The following MEI1 variants were observed in gnomAD, a reference collection of about 807,000 sequenced individuals.
The protein encoded by MEI1 is meiosis inhibitor protein 1.
In MEI1, 103 loss-of-function variants were observed where a neutral mutation model predicts 146.2. That is an observed-to-expected ratio of 0.70 (90% CI 0.60 to 0.83). The LOEUF (loss-of-function observed/expected upper bound fraction) is 0.83. Among genes scored for constraint, MEI1 ranks in the 40% least tolerant of loss-of-function variants. The pLI is 0.00. For missense variants in MEI1, 1,529 were observed against 1,533.0 expected (o/e 1.00, Z 0.04); for synonymous variants, 652 against 628.2 (o/e 1.04, Z -0.57).
At chr22:41,767,492 A>G (rs572599014) in intron 19 of MEI1, 17 of 446,304 alleles carry the variant, frequency 3.8e-5, no homozygotes, top group African/African-American at 1.2e-4. Context: ...AGGATCCCCA[A>G]TAGCCAGAGT....
Position 41,758,359 on chromosome 22 carries a change from C to T in MEI1, c.1952-6C>T. 1.9e-6 allele frequency: 3 copies of T among 1,610,948 alleles called. No homozygotes were observed. The highest frequency in any genetic ancestry group is 2.2e-5 in the East Asian group (1 of 44,784). On this transcript the variant is annotated splice_region_variant and splice_polypyrimidine_tract_variant and intron_variant, in intron 17 of 30. Transcript: ENST00000401548. ...TGTGGCTTTCCTCTACTTATTCCCT[C>T]CCTAGAACTCTCTGCAGTGTCTGAG...
chr22:41,732,343 C>G lies in MEI1; in HGVS notation c.1195C>G (p.Arg399Gly). The change falls in exon 10 of 31, where the codon CGG (arginine) becomes GGG (glycine). Residue 399 changes from arginine (R) to glycine (G), a missense_variant and splice_region_variant. Coordinates refer to ENST00000401548, the MANE Select transcript of MEI1 (RefSeq NM_152513.4). Reference protein sequence around the residue: ...GLLLFAEILTRQPEEIKLFTS... With the variant: ...GLLLFAEILTGQPEEIKLFTS... ...GCTGCTTTTCGCTGAAATCCTGACC[C>G]GGTGAGCAAAGTGGTGGAACATGAG... 6.2e-7 allele frequency: 1 copy of G among 1,613,076 alleles called. No individual in the cohort carries two copies. The highest frequency in any genetic ancestry group is 1.7e-4 in the Middle Eastern group (1 of 6,060).
At position 41,724,005 on chromosome 22, in the gene MEI1, C is replaced by G. The variant is rs2071095385; in HGVS notation, c.796C>G (p.Leu266Val). ...GTCCATGATCATGAACCAGGATGGA[C>G]TGGGAGAAAGTGCTAAGAATATCGA... The part of the protein sequence containing the change: ...FVSMIMNQDG[L>V]GESAKNIEGS... The change falls in exon 7 of 31, where the codon CTG (leucine) becomes GTG (valine). Residue 266 changes from leucine to valine, a missense_variant. By Grantham distance (32) the Leu-to-Val change is conservative. Transcript: ENST00000401548. The G allele has an allele frequency of 1.2e-6, 2 of 1,613,408 alleles. No homozygotes were observed. The highest frequency in any genetic ancestry group is 3.3e-5 in the Admixed American group (2 of 59,908).
chr22:41,756,207 TCA>T (rs1308748288), intron 17 of MEI1, among the ~76,000 whole-genome samples: 11 of 152,234 alleles, frequency 7.2e-5, no homozygotes, highest in South Asian at 2.1e-4. Flanking sequence ...TGATGTCAGC[TCA>T]CTGCAACCTC....
chr22:41,732,498 G>A lies in MEI1; in HGVS notation c.1226G>A (p.Ser409Asn). Residue 409 changes from serine (S) to asparagine (N), a missense_variant, in exon 11 of 31, where the codon AGC (serine) becomes AAC (asparagine). Physicochemically the swap from Ser to Asn is conservative, Grantham distance 46. Around this residue, in one of 3 missense-constraint regions of MEI1, gnomAD observed 1,212 missense variants for 1,178.9 expected, o/e 1.03. Coordinates refer to ENST00000401548, the MANE Select transcript of MEI1 (RefSeq NM_152513.4). ...CCAGAGGAGATCAAGCTGTTCACAAGCTCAGCCATGTGCAGAGATGCTGGC... is the reference window on the plus strand; with the variant it reads ...CCAGAGGAGATCAAGCTGTTCACAAACTCAGCCATGTGCAGAGATGCTGGC... ...RQPEEIKLFT[S>N]SAMCRDAGRA... is the part of the protein sequence containing the mutation. The A allele has an allele frequency of 1.2e-6, 2 of 1,613,880 alleles. No individual in the cohort carries two copies. Among genetic ancestry groups the A allele is most frequent in the Non-Finnish European group, 8.5e-7 (1 of 1,179,884 alleles).
At chr22:41,785,903 ATTT>A (rs1364516292) in intron 26 of MEI1, among the ~76,000 whole-genome samples, 1 of 101,568 alleles carries the variant, frequency 9.8e-6, no homozygotes, top group Non-Finnish European at 2.1e-5. Flanking sequence ...TTATTTTTTT[ATTT>A]TTTATTTTAT....
In MEI1 at chr22:41,758,381, T is replaced by C. The variant is rs1220395865; in HGVS notation, c.1968T>C (p.Ser656=). Residue 656 remains serine (S), a synonymous_variant, in exon 18 of 31, where the codon TCT becomes TCC. Transcript: ENST00000401548. ...CCTCCCTAGAACTCTCTGCAGTGTC[T>C]GAGCTCCTGCAGCATGGGCTGCCCC... ...PPSKEELSAV[S]ELLQHGLPQI... The C allele has an allele frequency of 6.2e-7, 1 of 1,613,396 alleles. No individual in the cohort carries two copies. The highest frequency in any genetic ancestry group is 1.7e-5 in the Admixed American group (1 of 59,978).
At chr22:41,751,336 T>C (rs1196773343) in intron 15 of MEI1, among the ~76,000 whole-genome samples, 1 of 152,110 alleles carries the variant, frequency 6.6e-6, no homozygotes, top group Non-Finnish European at 1.5e-5. Flanking sequence ...GCTGGTGAAG[T>C]GGGAGCTTCT....
chr22:41,755,042 G>T (rs956589097), intron 17 of MEI1, among the ~76,000 whole-genome samples: 2 of 152,166 alleles, frequency 1.3e-5, no homozygotes, highest in East Asian at 1.9e-4. Flanking sequence ...AACAGCAGCT[G>T]CAGGGCTGAG....
chr22:41,770,056 C>T (rs1602058010), intron 19 of MEI1, among the ~76,000 whole-genome samples: 1 of 151,820 alleles, frequency 6.6e-6, no homozygotes, highest in Non-Finnish European at 1.5e-5. Flanking sequence ...ATCACTTGAA[C>T]CCGGGAGGCA....
At chr22:41,729,313 C>G (rs540628328) in intron 7 of MEI1, among the ~76,000 whole-genome samples, 4 of 152,296 alleles carry the variant, frequency 2.6e-5, no homozygotes, top group Admixed American at 1.3e-4. Flanking sequence ...GCACTCCAGC[C>G]TGGGCAACAG....
chr22:41,701,032 C>T (rs1190164102), intron 1 of MEI1, among the ~76,000 whole-genome samples: 2 of 150,944 alleles, frequency 1.3e-5, no homozygotes, highest in African/African-American at 2.4e-5. Context: ...CTCCGCCTCC[C>T]GGGTTCAAGC....
chr22:41,728,048 TA>T (rs2071521501), intron 7 of MEI1, among the ~76,000 whole-genome samples: 1 of 152,192 alleles, frequency 6.6e-6, no homozygotes, highest in African/African-American at 2.4e-5. Context: ...GACCCACATA[TA>T]CTCAAGTCCT....
At chr22:41,792,015 T>A (rs2076199151) in intron 26 of MEI1, among the ~76,000 whole-genome samples, 1 of 152,096 alleles carries the variant, frequency 6.6e-6, no homozygotes, top group Non-Finnish European at 1.5e-5. Context: ...GACTGCTGAG[T>A]ATGGGGTTTC....
In MEI1 at chr22:41,770,874, C is replaced by G. The variant is rs774035047; in HGVS notation, c.2457C>G (p.Thr819=). The change falls in exon 20 of 31, where the codon ACC becomes ACG. Residue 819 remains threonine (T), a synonymous_variant. Coordinates refer to ENST00000401548, the MANE Select transcript of MEI1 (RefSeq NM_152513.4). ...GCTATGAGGAACTGGATGATGTCAC[C>G]TCTGCTGGGCAGCCCGCCCTTCCTG... ...ESSYEELDDV[T]SAGQPALPAS... 1.9e-6 allele frequency: 3 copies of G among 1,613,902 alleles called. No individual in the cohort carries two copies. In the African/African-American group the frequency reaches 4.0e-5, roughly 22 times the overall value.
intron 18 of MEI1, among the ~76,000 whole-genome samples, chr22:41,762,648 G>A (rs1442134533): frequency 1.3e-5 from 2 of 148,640 alleles, no homozygotes; most frequent in Non-Finnish European, 3.0e-5. Flanking sequence ...CAGCCTCCCA[G>A]AGTGCTGGGA....
chr22:41,709,602 T>C (rs2069380474), intron 3 of MEI1: 1 of 425,374 alleles, frequency 2.4e-6, no homozygotes, highest in Non-Finnish European at 4.4e-6. Flanking sequence ...GTCTGAATCT[T>C]CAGTGGCTCT....
Position 41,730,471 on chromosome 22 carries a change from C to T in MEI1, c.980-50C>T, listed in dbSNP as rs770435537. On this transcript the variant is annotated intron_variant, in intron 8 of 30. Transcript: ENST00000401548. ...AAGGCCTTAGCATCAGTTAAGGGAT[C>T]GTGATCACATGGCTGTCATTTATTG... 3.9e-5 allele frequency: 50 copies of T among 1,275,672 alleles called. 1 individual carries two copies. Among genetic ancestry groups the T allele is most frequent in the African/African-American group, 5.9e-5 (4 of 68,270 alleles). The allele number at this position is 1,275,672 out of a possible 1,614,324, so 79.0% of individuals were successfully genotyped here.
chr22:41,790,956 A>G (rs1183627022), intron 26 of MEI1, among the ~76,000 whole-genome samples: 1 of 152,190 alleles, frequency 6.6e-6, no homozygotes, highest in African/African-American at 2.4e-5. Flanking sequence ...AGAAGGTGAC[A>G]TTTGAACTCA....
Sources: allele counts gnomAD v4.1 joint callset (sites outside exome capture counted in the v4.1 genomes callset), GRCh38; gene constraint gnomAD v4.1.1; regional missense constraint gnomAD v4.1.1; transcripts MANE v1.5; gene names NCBI Gene and HGNC (gene_info 2026-07-23, HGNC 2026-07-21).